The following EPC2 variants were observed in gnomAD, a reference collection of about 807,000 sequenced individuals.
EPC2 encodes enhancer of polycomb homolog 2.
EPC2 carries 14 observed loss-of-function variants against 92.1 expected under a neutral mutation model. The observed-to-expected ratio is 0.15, with a 90% CI of 0.10 to 0.24. The LOEUF is 0.24. Ranked by LOEUF, EPC2 falls within the 10% of genes least tolerant of loss-of-function variation. The probability of loss-of-function intolerance (pLI) is 1.00; values close to 1 mark genes in which losing one functional copy is unlikely to be tolerated. For synonymous variants in EPC2, 340 were observed against 334.7 expected (o/e 1.02, Z -0.17); for missense variants, 755 against 971.5 (o/e 0.78, Z 2.96).
intron 1 of EPC2, among the ~76,000 whole-genome samples, chr2:148,676,865 C>T (rs942044332): frequency 4.5e-5 from 6 of 132,938 alleles, no homozygotes; most frequent in Non-Finnish European, 7.8e-5. Flanking sequence ...TTATTACCCA[C>T]TTTTTTTGGG....
rs1246294319 is a variant in EPC2, at chr2:148,765,050, A to G, written c.1044A>G (p.Thr348=). The G allele has an allele frequency of 2.5e-6, 4 of 1,610,410 alleles. No homozygotes were observed. The highest frequency in any genetic ancestry group is 3.4e-6 in the Non-Finnish European group (4 of 1,177,854). Residue 348 remains threonine (T), a synonymous_variant, in exon 7 of 14, where the codon ACA becomes ACG. Coordinates refer to ENST00000258484, the MANE Select transcript of EPC2 (RefSeq NM_015630.4). ...AGCCTAAAGCAGAGGCTTTGATAAC[A>G]TCTCAGCAACCCACTCCTGAGACAT... ...PKKPKAEALI[T]SQQPTPETLP... is the part of the protein sequence containing the mutation.
intron 4 of EPC2, among the ~76,000 whole-genome samples, chr2:148,756,917 C>G (rs1683201090): frequency 6.6e-6 from 1 of 152,102 alleles, no homozygotes; most frequent in Non-Finnish European, 1.5e-5. Flanking sequence ...GATTTGGCAG[C>G]AAGTACAGAA....
rs73020843 is a variant in EPC2, at chr2:148,730,142, A to G, written c.314-13480A>G. Among the ~76,000 whole-genome samples, 94 of 152,310 alleles carry G rather than the reference A, an allele frequency of 6.2e-4. No homozygotes were observed. The South Asian group carries it at 0.02, about 32-fold the overall frequency. On this transcript the variant is annotated intron_variant, in intron 2 of 13. Coordinates refer to ENST00000258484, the MANE Select transcript of EPC2 (RefSeq NM_015630.4). ...ATTGGTAGAGGTGGGAGTTGTGCAT[A>G]TGATCTGCAGCCAAGTTTTATAATT... is the stretch of plus-strand genomic sequence containing the variant.
At chr2:148,726,758 G>GTTTTTTTTTTTTTTTTTTT (rs1448355101) in intron 2 of EPC2, among the ~76,000 whole-genome samples, 6 of 75,268 alleles carry the variant, frequency 8.0e-5, no homozygotes, top group East Asian at 3.4e-4. Context: ...TTTTTGTTTT[G>GTTTTTTTTTTTTTTTTTTT]TTTTTTGTTT....
In EPC2 at chr2:148,768,822, A is replaced by T. The variant is rs551979721; in HGVS notation, c.1141-329A>T. Among the ~76,000 whole-genome samples, 10 of 152,338 alleles carry T rather than the reference A, an allele frequency of 6.6e-5. 1 individual carries two copies. The South Asian group carries it at 2.1e-3, about 32-fold the overall frequency. The stretch of plus-strand genomic sequence containing the variant: ...TGAAGTAAATATTTAACTGTCATTA[A>T]ATATTTATAGCCACATACATTATTT... On this transcript the variant is annotated intron_variant, in intron 7 of 13. Transcript: ENST00000258484.
chr2:148,708,197 C>T (rs1682049886), intron 2 of EPC2, among the ~76,000 whole-genome samples: 4 of 152,174 alleles, frequency 2.6e-5, no homozygotes, highest in Admixed American at 2.6e-4. Flanking sequence ...AGACTACCAT[C>T]AGAGAATACT....
chr2:148,701,678 C>A (rs150356792), intron 2 of EPC2, among the ~76,000 whole-genome samples: 12 of 151,994 alleles, frequency 7.9e-5, no homozygotes, highest in African/African-American at 2.7e-4. Flanking sequence ...GAGAGCTATT[C>A]GTCTGTCATT....
chr2:148,753,242 C>T (rs970155268), intron 3 of EPC2, among the ~76,000 whole-genome samples: 2 of 152,176 alleles, frequency 1.3e-5, no homozygotes, highest in East Asian at 3.8e-4. Flanking sequence ...ATTAGAGCTC[C>T]TAAGGGAACC....
intron 10 of EPC2, among the ~76,000 whole-genome samples, 165 bp downstream of exon 10, chr2:148,771,552 A>C (rs1456182632): frequency 6.6e-6 from 1 of 152,160 alleles, no homozygotes; most frequent in Non-Finnish European, 1.5e-5. Flanking sequence ...TAGTACTGTA[A>C]AACCACTGAC....
chr2:148,668,099 A>G (rs1457436743), intron 1 of EPC2, among the ~76,000 whole-genome samples: 4 of 152,186 alleles, frequency 2.6e-5, no homozygotes, highest in Admixed American at 6.5e-5. Context: ...GTCTTTCACT[A>G]TGTTGGCCAG....
chr2:148,679,939 G>A (rs549904662), intron 1 of EPC2, among the ~76,000 whole-genome samples: 5 of 152,192 alleles, frequency 3.3e-5, no homozygotes, highest in South Asian at 2.1e-4. Flanking sequence ...AAGCCACTGC[G>A]CCTGGCAAAA....
intron 1 of EPC2, among the ~76,000 whole-genome samples, chr2:148,667,963 A>G (rs1257306669): frequency 6.6e-6 from 1 of 152,066 alleles, no homozygotes; most frequent in Non-Finnish European, 1.5e-5. Flanking sequence ...CAGTGGCATG[A>G]TCTCGGCTCA....
intron 2 of EPC2, among the ~76,000 whole-genome samples, chr2:148,693,989 C>A (rs1477473961): frequency 6.6e-6 from 1 of 151,844 alleles, no homozygotes; most frequent in African/African-American, 2.4e-5. Context: ...ACTTTTTTTT[C>A]TTTGAATTTC....
At chr2:148,692,045 G>T in intron 2 of EPC2, 1 of 323,030 alleles carries the variant, frequency 3.1e-6, no homozygotes, top group Non-Finnish European at 6.0e-6. Context: ...TTTGTAATTT[G>T]TTCCCGCTTT....
chr2:148,654,009 G>A (rs910792736), intron 1 of EPC2, among the ~76,000 whole-genome samples: 14 of 149,040 alleles, frequency 9.4e-5, no homozygotes, highest in Admixed American at 4.7e-4. Flanking sequence ...GTGCAATGGC[G>A]CGATCTTGGC....
intron 2 of EPC2, among the ~76,000 whole-genome samples, chr2:148,703,172 G>A (rs1574592424): frequency 6.6e-6 from 1 of 152,066 alleles, no homozygotes; most frequent in South Asian, 2.1e-4. Context: ...CCATTTTAGA[G>A]TATTTTTGGT....
chr2:148,742,212 T>C (rs1029964482), intron 2 of EPC2, among the ~76,000 whole-genome samples: 4 of 152,166 alleles, frequency 2.6e-5, no homozygotes, highest in African/African-American at 7.2e-5. Flanking sequence ...TCTGTGTATG[T>C]TTATATGTAA....
At chr2:148,721,891 T>TTTC (rs140155329) in intron 2 of EPC2, among the ~76,000 whole-genome samples, 3,321 of 9,896 alleles carry the variant, frequency 0.34, 195 homozygotes, top group Middle Eastern at 0.5. Flanking sequence ...TTTTGATTTC[T>TTTC]TTTTTTTTTT....
intron 1 of EPC2, among the ~76,000 whole-genome samples, chr2:148,661,231 T>C (rs1188627403): frequency 6.6e-6 from 1 of 152,160 alleles, no homozygotes; most frequent in Non-Finnish European, 1.5e-5. Flanking sequence ...AGTCTACTTG[T>C]GTATCCTGTT....
Sources: allele counts gnomAD v4.1 joint callset (sites outside exome capture counted in the v4.1 genomes callset), GRCh38; gene constraint gnomAD v4.1.1; transcripts MANE v1.5; gene names NCBI Gene and HGNC (gene_info 2026-07-23, HGNC 2026-07-21).